Variants in CEMIP2 observed in about 807,000 individuals in gnomAD.
The protein encoded by CEMIP2 is cell surface hyaluronidase CEMIP2.
Under a neutral mutation model 146.9 loss-of-function variants are expected in CEMIP2, and 79 were observed. The ratio of observed to expected loss-of-function variants is 0.54; its 90% CI spans 0.45 to 0.65. The LOEUF is 0.65. Ranked by LOEUF, CEMIP2 falls within the 30% of genes least tolerant of loss-of-function variation. CEMIP2 has a pLI of 0.00. For missense variants in CEMIP2, 1,596 were observed against 1,696.2 expected (o/e 0.94, Z 1.04); for synonymous variants, 601 against 606.3 (o/e 0.99, Z 0.13).
chr9:71,725,048 T>G (rs560372786), intron 11 of CEMIP2, among the ~76,000 whole-genome samples: 4 of 142,052 alleles, frequency 2.8e-5, no homozygotes, highest in African/African-American at 9.9e-5. Context: ...GCAATAGGTA[T>G]GTATAAATGG....
chr9:71,750,900 C>T (rs1398961670), intron 1 of CEMIP2, among the ~76,000 whole-genome samples: 8 of 151,960 alleles, frequency 5.3e-5, no homozygotes, highest in Non-Finnish European at 1.0e-4. Flanking sequence ...GTACATCCCA[C>T]GATGATTGGC....
rs1382232656 is a variant in CEMIP2, at chr9:71,730,712, C to A, written c.1766G>T (p.Gly589Val). The A allele has an allele frequency of 6.2e-7, 1 of 1,614,008 alleles. No individual in the cohort carries two copies. The highest frequency in any genetic ancestry group is 8.5e-7 in the Non-Finnish European group (1 of 1,180,020). ...SRCITVHGTNGLLIKDTIGFD... is the reference protein window; with the variant it reads ...SRCITVHGTNVLLIKDTIGFD... Reference sequence around the variant, plus strand: ...TAATGCGAGGCTACTTACTAGCAAGCCATTTGTCCCATGCACAGTGATGCA... The same window carrying A: ...TAATGCGAGGCTACTTACTAGCAAGACATTTGTCCCATGCACAGTGATGCA... The change falls in exon 8 of 24, where the codon GGC becomes GTC. Residue 589 changes from glycine (G) to valine (V), a missense_variant. Gly to Val is a moderately radical substitution (Grantham distance 109). Coordinates refer to ENST00000377044, the MANE Select transcript of CEMIP2 (RefSeq NM_013390.3).
chr9:71,700,659 A>C lies in CEMIP2; in HGVS notation c.3360T>G (p.Tyr1120Ter). 6.2e-7 allele frequency: 1 copy of C among 1,602,366 alleles called. No individual in the cohort carries two copies. Among genetic ancestry groups the C allele is most frequent in the Non-Finnish European group, 8.5e-7 (1 of 1,175,944 alleles). Residue 1120 changes from tyrosine (Y) to a stop codon, truncating the protein, a stop_gained, in exon 19 of 24, where the codon TAT (tyrosine) becomes TAG (stop). Coordinates refer to ENST00000377044, the MANE Select transcript of CEMIP2 (RefSeq NM_013390.3). LOFTEE classifies it high-confidence loss of function. Reference sequence around the variant, plus strand: ...TGAATTACCCCGTGCTGGAGTCAAAATAGAATTTCCTCTCGGATTGCTTTC... The same window carrying C: ...TGAATTACCCCGTGCTGGAGTCAAACTAGAATTTCCTCTCGGATTGCTTTC... Reference protein sequence around the residue: ...LQRKQSERKFYFDSSTGLLFL... With the variant: ...LQRKQSERKF
rs1039759272 is a variant in CEMIP2 at position 71,684,330 on chromosome 9, A to G, written c.*867T>C. On this transcript the variant is annotated 3_prime_UTR_variant, in exon 24 of 24. Coordinates refer to ENST00000377044, the MANE Select transcript of CEMIP2 (RefSeq NM_013390.3). ...TACCAAGAACAGACTTCCTTTGTGC[A>G]AGTTAAAATGATACAAGTTTACGGT... 2 of 152,574 alleles carry G rather than the reference A, an allele frequency of 1.3e-5. No individual in the cohort carries two copies. Among genetic ancestry groups the G allele is most frequent in the African/African-American group, 4.8e-5 (2 of 41,458 alleles). The allele number at this position is 152,574 out of a possible 1,614,324, so 9.5% of individuals were successfully genotyped here. A position where few individuals can be genotyped will look rare whatever the true frequency, so the allele number is the denominator to read the frequency against.
chr9:71,727,494 C>A (rs530147078), intron 10 of CEMIP2, among the ~76,000 whole-genome samples: 184 of 152,226 alleles, frequency 1.2e-3, no homozygotes, highest in Admixed American at 1.9e-3. Flanking sequence ...TGACAGGGAC[C>A]TTCAGATTAT....
intron 16 of CEMIP2, among the ~76,000 whole-genome samples, chr9:71,710,770 C>A (rs906449702): frequency 6.6e-6 from 1 of 152,144 alleles, no homozygotes; most frequent in African/African-American, 2.4e-5. Flanking sequence ...CAAGACTCAT[C>A]CTGCTGATTT....
rs754540969 is a variant in CEMIP2 at position 71,750,158 on chromosome 9, TTC to T, written c.214_215del (p.Glu72LysfsTer18). 2 of 1,613,968 alleles carry T rather than the reference TTC, an allele frequency of 1.2e-6. No individual in the cohort carries two copies. Among genetic ancestry groups the T allele is most frequent in the Non-Finnish European group, 1.7e-6 (2 of 1,180,010 alleles). ...TTTTGTGTCTCTTTTGCTTTTGACT[TTC>T]TCTCTGGGCTTGCTGTTCTTCAGGT... ...FSPEEQQAQR[E>X]SQKQKRHKNT... On this transcript the variant is annotated frameshift_variant, in exon 2 of 24. Coordinates refer to ENST00000377044, the MANE Select transcript of CEMIP2 (RefSeq NM_013390.3). LOFTEE classifies it high-confidence loss of function.
chr9:71,705,316 A>T (rs1398953228), intron 17 of CEMIP2, among the ~76,000 whole-genome samples: 1 of 152,208 alleles, frequency 6.6e-6, no homozygotes, highest in African/African-American at 2.4e-5. Context: ...GTTATAAAGT[A>T]CTGTGCAACA....
In CEMIP2 at chr9:71,685,398, A is replaced by G; in HGVS notation, c.3956-5T>C. ...ATCCCAAAAATATGGTACTCCCTAA[A>G]AAAAAAAAAAAAAAAGAAAAAGAAA... On this transcript the variant is annotated splice_polypyrimidine_tract_variant and splice_region_variant and intron_variant, in intron 23 of 23. Coordinates refer to ENST00000377044, the MANE Select transcript of CEMIP2 (RefSeq NM_013390.3). 3 of 1,397,604 alleles carry G rather than the reference A, an allele frequency of 2.1e-6. No homozygotes were observed. The highest frequency in any genetic ancestry group is 2.9e-6 in the Non-Finnish European group (3 of 1,045,490). 86.6% of individuals were successfully genotyped at this position (1,397,604 alleles called of 1,614,324 possible).
At chr9:71,696,956 G>T (rs4745116) in intron 20 of CEMIP2, among the ~76,000 whole-genome samples, 62,577 of 151,856 alleles carry the variant, frequency 0.41, 13,172 homozygotes, top group East Asian at 0.5. Flanking sequence ...CTTAGAATAG[G>T]AAGAAATGAA....
intron 14 of CEMIP2, among the ~76,000 whole-genome samples, chr9:71,715,758 A>C (rs920106503): frequency 1.3e-5 from 2 of 150,856 alleles, no homozygotes; most frequent in African/African-American, 4.9e-5. Flanking sequence ...AGTAGCTAAG[A>C]TTACAGGCAT....
chr9:71,736,336 G>A (rs576340772), intron 5 of CEMIP2, among the ~76,000 whole-genome samples: 1 of 152,250 alleles, frequency 6.6e-6, no homozygotes, highest in Middle Eastern at 3.4e-3. Context: ...TGGGAGGACT[G>A]CTCACCTCCT....
intron 11 of CEMIP2, among the ~76,000 whole-genome samples, chr9:71,724,313 T>A (rs372873927): frequency 2.6e-5 from 4 of 151,420 alleles, no homozygotes; most frequent in Admixed American, 6.6e-5. Flanking sequence ...AAAAAAAAAA[T>A]TCCATTAGAA....
Position 71,683,518 on chromosome 9 carries a change from A to AC in CEMIP2, c.*1678_*1679insG, listed in dbSNP as rs1220687198. 22 of 42,904 alleles carry AC rather than the reference A, an allele frequency of 5.1e-4. No homozygotes were observed. Among genetic ancestry groups the AC allele is most frequent in the Non-Finnish European group, 7.2e-4 (17 of 23,588 alleles). The allele number at this position is 42,904 out of a possible 1,614,324, so 2.7% of individuals were successfully genotyped here. Reference sequence around the variant, plus strand: ...CACACGTAAAGATATTTAAGTCATAAAACACACACACACACACACACACAC... The same window carrying AC: ...CACACGTAAAGATATTTAAGTCATAACAACACACACACACACACACACACAC... On this transcript the variant is annotated 3_prime_UTR_variant, in exon 24 of 24. Transcript: ENST00000377044.
chr9:71,766,892 C>T (rs150203710), intron 1 of CEMIP2, among the ~76,000 whole-genome samples: 175 of 152,276 alleles, frequency 1.1e-3, no homozygotes, highest in African/African-American at 2.3e-3. Flanking sequence ...TTTCCAGTTC[C>T]GCCCAAACTG....
At position 71,750,405 on chromosome 9, in the gene CEMIP2, T is replaced by C; in HGVS notation, c.-12-20A>G. ...CTGTTACTGTGAAAAGAAAAAAAAA[T>C]TAAGCTTCAGTATGTGTAAATTCTT... On this transcript the variant is annotated intron_variant, in intron 1 of 23. Transcript: ENST00000377044. The C allele has an allele frequency of 6.7e-7, 1 of 1,490,364 alleles. No individual in the cohort carries two copies. 92.3% of individuals were successfully genotyped at this position (1,490,364 alleles called of 1,614,324 possible).
Position 71,732,467 on chromosome 9 carries a change from C to T in CEMIP2, c.1447G>A (p.Ala483Thr). 6.2e-7 allele frequency: 1 copy of T among 1,614,014 alleles called. No homozygotes were observed. Among genetic ancestry groups the T allele is most frequent in the Non-Finnish European group, 8.5e-7 (1 of 1,179,988 alleles). The part of the protein sequence containing the change: ...GEIIDGVDMR[A>T]EVGILTRNIV... ...TTCCGGGTAAGAATTCCAACCTCAGCTCTCATGTCTACACCGTCTATGATC... is the reference window on the plus strand; with the variant it reads ...TTCCGGGTAAGAATTCCAACCTCAGTTCTCATGTCTACACCGTCTATGATC... The change falls in exon 7 of 24, where the codon GCT becomes ACT. Residue 483 changes from alanine (A) to threonine (T), a missense_variant. Physicochemically the swap from Ala to Thr is moderately conservative, Grantham distance 58. Transcript: ENST00000377044.
chr9:71,714,394 G>A (rs1822991025), intron 15 of CEMIP2, among the ~76,000 whole-genome samples: 1 of 94,866 alleles, frequency 1.1e-5, no homozygotes, highest in East Asian at 3.2e-4. Context: ...AACATGCCAA[G>A]AGCCTACCCC....
At chr9:71,697,157 G>T (rs1822426837) in intron 20 of CEMIP2, among the ~76,000 whole-genome samples, 1 of 152,212 alleles carries the variant, frequency 6.6e-6, no homozygotes, top group African/African-American at 2.4e-5. Context: ...TTGGGCCCAA[G>T]AATTCCCATT....
Sources: allele counts gnomAD v4.1 joint callset (sites outside exome capture counted in the v4.1 genomes callset), GRCh38; gene constraint gnomAD v4.1.1; transcripts MANE v1.5; gene names NCBI Gene and HGNC (gene_info 2026-07-23, HGNC 2026-07-21).